NCKAP1: variants seen among roughly 807,000 people sequenced by gnomAD.
NCKAP1 encodes NCK associated protein 1, also known as nck-associated protein 1.
Under a neutral mutation model 151.2 loss-of-function variants are expected in NCKAP1, and 21 were observed. The ratio of observed to expected loss-of-function variants is 0.14; its 90% CI spans 0.10 to 0.20. The LOEUF is 0.20. Ranked by LOEUF, NCKAP1 falls within the 10% of genes least tolerant of loss-of-function variation. The pLI is 1.00. For missense variants in NCKAP1, 933 were observed against 1,352.1 expected (o/e 0.69, Z 4.86); for synonymous variants, 484 against 451.8 (o/e 1.07, Z -0.90).
chr2:182,948,836 T>G (rs1235910375), intron 23 of NCKAP1, among the ~76,000 whole-genome samples: 1 of 152,226 alleles, frequency 6.6e-6, no homozygotes, highest in African/African-American at 2.4e-5. Context: ...TCTTAAACTG[T>G]GTCAGTAAGT....
rs116784508 is a variant in NCKAP1, at chr2:182,921,654, C to T, written c.*4048G>A. 2,018 of 152,252 alleles carry T rather than the reference C, an allele frequency of 0.013. 44 individuals are homozygous for T. The highest frequency in any genetic ancestry group is 0.046 in the African/African-American group (1,896 of 41,538). The allele number at this position is 152,252 out of a possible 1,614,324, so 9.4% of individuals were successfully genotyped here. The stretch of plus-strand genomic sequence containing the variant: ...GACATGGCCCTCTGTGGCTAGGATC[C>T]TAACTTCAGATTGCTAATTTATCCC... On this transcript the variant is annotated 3_prime_UTR_variant, in exon 31 of 31. Coordinates refer to ENST00000361354, the MANE Select transcript of NCKAP1 (RefSeq NM_013436.5).
chr2:182,954,767 A>C (rs1307698253), intron 20 of NCKAP1, among the ~76,000 whole-genome samples: 3 of 152,078 alleles, frequency 2.0e-5, no homozygotes, highest in African/African-American at 7.2e-5. Context: ...GCCTGGACGA[A>C]AGAACAAAAC....
rs778069037 is a variant in NCKAP1 at position 183,038,106 on chromosome 2, G to A, written c.-7C>T. On this transcript the variant is annotated 5_prime_UTR_variant, in exon 1 of 31. Coordinates refer to ENST00000361354, the MANE Select transcript of NCKAP1 (RefSeq NM_013436.5). ...GCAGCACTGAGCGCGACATGGTGGTGCTGGTGCCGCCGCCGCCGCCGGCCG... is the reference window on the plus strand; with the variant it reads ...GCAGCACTGAGCGCGACATGGTGGTACTGGTGCCGCCGCCGCCGCCGGCCG... 5.2e-6 allele frequency: 8 copies of A among 1,548,678 alleles called. No homozygotes were observed. Among genetic ancestry groups the A allele is most frequent in the Non-Finnish European group, 6.9e-6 (8 of 1,157,558 alleles).
chr2:182,961,894 A>T (rs1697461483), intron 18 of NCKAP1, among the ~76,000 whole-genome samples: 1 of 152,226 alleles, frequency 6.6e-6, no homozygotes. Context: ...AACTTTCAAG[A>T]AATAGCAGAA....
chr2:182,989,303 T>G (rs1043561093), intron 8 of NCKAP1, 117 bp from the exon 9 acceptor site: 21 of 701,622 alleles, frequency 3.0e-5, no homozygotes, highest in Non-Finnish European at 2.3e-6. Flanking sequence ...TTGAGGCTTC[T>G]GAGTGACAGT....
intron 12 of NCKAP1, among the ~76,000 whole-genome samples, chr2:182,982,449 A>G (rs902551901): frequency 5.4e-5 from 8 of 149,478 alleles, no homozygotes; most frequent in Admixed American, 4.0e-4. Flanking sequence ...GGTGCAGAAG[A>G]GATACACATT....
At chr2:182,937,700 AT>A (rs1420900949) in intron 24 of NCKAP1, among the ~76,000 whole-genome samples, 1 of 152,198 alleles carries the variant, frequency 6.6e-6, no homozygotes, top group Non-Finnish European at 1.5e-5. Flanking sequence ...GGGCCAAACA[AT>A]GTATACCTTT....
At position 182,932,892 on chromosome 2, in the gene NCKAP1, T is replaced by C. The variant is rs141597140; in HGVS notation, c.2859+1860A>G. ...GCTATTTGTACATAGTTTTCAATCATAGAATCACAAGACAATCACTGATCT... is the reference window on the plus strand; with the variant it reads ...GCTATTTGTACATAGTTTTCAATCACAGAATCACAAGACAATCACTGATCT... On this transcript the variant is annotated intron_variant, in intron 26 of 30. Coordinates refer to ENST00000361354, the MANE Select transcript of NCKAP1 (RefSeq NM_013436.5). 2.0e-3 allele frequency among the ~76,000 whole-genome samples: 298 copies of C among 152,332 alleles called. 2 individuals carry two copies. The highest frequency in any genetic ancestry group is 6.8e-3 in the Middle Eastern group (2 of 294).
intron 20 of NCKAP1, among the ~76,000 whole-genome samples, chr2:182,955,568 A>G (rs553586746): frequency 1.8e-4 from 28 of 152,286 alleles, no homozygotes; most frequent in African/African-American, 6.5e-4. Context: ...AGAATCTAGA[A>G]TTCTATTGGC....
chr2:182,957,945 G>GA (rs958673877), intron 18 of NCKAP1, among the ~76,000 whole-genome samples: 9 of 152,098 alleles, frequency 5.9e-5, no homozygotes, highest in African/African-American at 1.7e-4. Context: ...ATGGCCTTTG[G>GA]AAAAAAACTG....
chr2:182,917,100 A>G lies in NCKAP1; in HGVS notation c.*8602T>C, dbSNP rs186210691. On this transcript the variant is annotated 3_prime_UTR_variant, in exon 31 of 31. Coordinates refer to ENST00000361354, the MANE Select transcript of NCKAP1 (RefSeq NM_013436.5). Reference sequence around the variant, plus strand: ...TTGTGGTAGCCTCTTCTTCCCCACCATCTCATCAATTTATACGCATGATCT... The same window carrying G: ...TTGTGGTAGCCTCTTCTTCCCCACCGTCTCATCAATTTATACGCATGATCT... The G allele has an allele frequency of 6.6e-6, 1 of 152,318 alleles. No homozygotes were observed. The highest frequency in any genetic ancestry group is 1.5e-5 in the Non-Finnish European group (1 of 68,030). 9.4% of individuals were successfully genotyped at this position (152,318 alleles called of 1,614,324 possible). A position where few individuals can be genotyped will look rare whatever the true frequency, so the allele number is the denominator to read the frequency against.
rs1697835931 is a variant in NCKAP1 at position 182,976,954 on chromosome 2, G to C, written c.1424-3C>G. 1 of 1,484,944 alleles carries C rather than the reference G, an allele frequency of 6.7e-7. No individual in the cohort carries two copies. The highest frequency in any genetic ancestry group is 9.1e-7 in the Non-Finnish European group (1 of 1,104,080). The allele number at this position is 1,484,944 out of a possible 1,614,324, so 92.0% of individuals were successfully genotyped here. On this transcript the variant is annotated splice_polypyrimidine_tract_variant and splice_region_variant and intron_variant, in intron 14 of 30. Coordinates refer to ENST00000361354, the MANE Select transcript of NCKAP1 (RefSeq NM_013436.5). ...ATCAAATACTTCCCCATCTTCAACT[G>C]TAGTAATAGAAAAAAAAAAAAGATT...
In NCKAP1 at chr2:182,925,125, T is replaced by C. The variant is rs1019576234; in HGVS notation, c.*577A>G. 1.3e-5 allele frequency: 2 copies of C among 152,176 alleles called. No individual in the cohort carries two copies. The highest frequency in any genetic ancestry group is 3.8e-4 in the East Asian group (2 of 5,202). 9.4% of individuals were successfully genotyped at this position (152,176 alleles called of 1,614,324 possible). On this transcript the variant is annotated 3_prime_UTR_variant, in exon 31 of 31. Coordinates refer to ENST00000361354, the MANE Select transcript of NCKAP1 (RefSeq NM_013436.5). Reference sequence around the variant, plus strand: ...AAGCAACAACATATGCTGCTGCTCTTAGAATTTTGGGAAATGATCTGCTTC... The same window carrying C: ...AAGCAACAACATATGCTGCTGCTCTCAGAATTTTGGGAAATGATCTGCTTC...
intron 23 of NCKAP1, among the ~76,000 whole-genome samples, chr2:182,944,173 T>C (rs902249006): frequency 8.5e-5 from 13 of 152,208 alleles, no homozygotes; most frequent in Middle Eastern, 3.2e-3. Context: ...TATAAAGTTA[T>C]TGATTAATCT....
intron 20 of NCKAP1, 128 bp from the exon 21 acceptor site, chr2:182,953,459 A>T (rs1290421628): frequency 4.7e-6 from 3 of 634,640 alleles, no homozygotes; most frequent in Admixed American, 3.5e-5. Context: ...AATTTATTAC[A>T]AAGCTGTAAA....
chr2:182,994,669 C>T (rs62190061), intron 8 of NCKAP1, among the ~76,000 whole-genome samples, 170 bp downstream of exon 8: 5 of 151,662 alleles, frequency 3.3e-5, no homozygotes, highest in African/African-American at 1.2e-4. Flanking sequence ...AAAAAAAACC[C>T]ACAAACAGGC....
chr2:182,978,211 T>C (rs758514382), intron 14 of NCKAP1, among the ~76,000 whole-genome samples: 4 of 152,162 alleles, frequency 2.6e-5, no homozygotes, highest in Non-Finnish European at 5.9e-5. Context: ...TACTCAGAAG[T>C]TTTCAAGGTT....
chr2:182,996,698 C>T (rs771930986), intron 6 of NCKAP1, among the ~76,000 whole-genome samples: 10 of 152,154 alleles, frequency 6.6e-5, no homozygotes, highest in African/African-American at 1.9e-4. Context: ...CCTCCTGATC[C>T]GCCTGCATCG....
At chr2:182,956,354 TA>T in intron 20 of NCKAP1, 107 bp downstream of exon 20, 1 of 1,398,616 alleles carries the variant, frequency 7.1e-7, no homozygotes, top group Non-Finnish European at 9.8e-7. Context: ...TCATTATTCT[TA>T]ACACTAATCC....
Sources: allele counts gnomAD v4.1 joint callset (sites outside exome capture counted in the v4.1 genomes callset), GRCh38; gene constraint gnomAD v4.1.1; transcripts MANE v1.5; gene names NCBI Gene and HGNC (gene_info 2026-07-23, HGNC 2026-07-21).